The following NSUN7 variants were observed in gnomAD, a reference collection of about 807,000 sequenced individuals.
NSUN7 encodes NOP2/Sun RNA methyltransferase family member 7.
In NSUN7, 39 loss-of-function variants were observed where a neutral mutation model predicts 58.5. That is an observed-to-expected ratio of 0.67 (90% CI 0.52 to 0.87). The LOEUF is 0.87. NSUN7 is among the 40% of genes least tolerant of loss of function. The pLI is 0.00. For synonymous variants in NSUN7, 278 were observed against 303.7 expected (o/e 0.92, Z 0.88); for missense variants, 765 against 844.1 (o/e 0.91, Z 1.16).
chr4:40,771,919 A>G (rs1343572812), intron 4 of NSUN7, among the ~76,000 whole-genome samples: 4 of 151,876 alleles, frequency 2.6e-5, no homozygotes, highest in South Asian at 2.1e-4. Context: ...CATTTTCATC[A>G]TTGCAGTCCT....
Position 40,763,119 on chromosome 4 carries a change from G to T in NSUN7, c.488+1818G>T, listed in dbSNP as rs142920621. On this transcript the variant is annotated intron_variant, in intron 4 of 11. Transcript: ENST00000381782. The stretch of plus-strand genomic sequence containing the variant: ...GAATTCACACTCAGGAGTGACTCCA[G>T]AGTCCAAACTTCAACCATTTATATG... Among the ~76,000 whole-genome samples, 107 of 152,278 alleles carry T rather than the reference G, an allele frequency of 7.0e-4. 2 individuals carry two copies. The East Asian group carries it at 0.019, about 28-fold the overall frequency.
intron 7 of NSUN7, among the ~76,000 whole-genome samples, chr4:40,787,980 G>A (rs1742911737): frequency 6.6e-6 from 1 of 152,136 alleles, no homozygotes; most frequent in Non-Finnish European, 1.5e-5. Flanking sequence ...GATTACAGAG[G>A]CAGGCCATGA....
At chr4:40,786,576 C>T (rs2154288382) in intron 7 of NSUN7, 4 of 1,613,352 alleles carry the variant, frequency 2.5e-6, no homozygotes, top group East Asian at 2.2e-5. Context: ...CAATGGGTGA[C>T]CTGAGTTCAT....
At chr4:40,752,620 C>T (rs1268687054) in intron 2 of NSUN7, among the ~76,000 whole-genome samples, 1 of 152,078 alleles carries the variant, frequency 6.6e-6, no homozygotes, top group Non-Finnish European at 1.5e-5. Context: ...CGGGGTTTCA[C>T]GGTGTTAGCC....
chr4:40,754,138 C>T lies in NSUN7; in HGVS notation c.298+3147C>T, dbSNP rs1435727876. On this transcript the variant is annotated intron_variant, in intron 2 of 11. Coordinates refer to ENST00000381782, the MANE Select transcript of NSUN7 (RefSeq NM_024677.6). ...ATTTTCCAAGATAATTAGGAGCCTG[C>T]TATTTTCCTTTTTTTTTTTTTTTGA... is the stretch of plus-strand genomic sequence containing the variant. 2.8e-5 allele frequency among the ~76,000 whole-genome samples: 4 copies of T among 142,736 alleles called. No homozygotes were observed. In the East Asian group the frequency reaches 7.9e-4, roughly 28 times the overall value. 93.6% of individuals were successfully genotyped at this position (142,736 alleles called of 152,430 possible).
intron 4 of NSUN7, among the ~76,000 whole-genome samples, chr4:40,764,008 A>G (rs888926240): frequency 1.4e-4 from 21 of 152,120 alleles, no homozygotes; most frequent in African/African-American, 4.6e-4. Context: ...GAGAAAATAC[A>G]TGTACAAAGA....
At position 40,808,617 on chromosome 4, in the gene NSUN7, A is replaced by G; in HGVS notation, c.1835A>G (p.His612Arg). ...QTRKPNKLAP[H>R]PAVPAFVKNT... Reference sequence around the variant, plus strand: ...AGAAAACCCAACAAGCTGGCCCCCCATCCTGCAGTGCCTGCATTTGTGAAG... The same window carrying G: ...AGAAAACCCAACAAGCTGGCCCCCCGTCCTGCAGTGCCTGCATTTGTGAAG... The change falls in exon 12 of 12, where the codon CAT becomes CGT. Residue 612 changes from histidine to arginine, a missense_variant. By Grantham distance (29) the His-to-Arg change is conservative. Coordinates refer to ENST00000381782, the MANE Select transcript of NSUN7 (RefSeq NM_024677.6). 1 of 1,551,756 alleles carries G rather than the reference A, an allele frequency of 6.4e-7. No homozygotes were observed. Among genetic ancestry groups the G allele is most frequent in the Non-Finnish European group, 8.7e-7 (1 of 1,147,016 alleles).
At chr4:40,759,037 C>T (rs1309118563) in intron 2 of NSUN7, among the ~76,000 whole-genome samples, 4 of 152,112 alleles carry the variant, frequency 2.6e-5, no homozygotes, top group East Asian at 1.9e-4. Flanking sequence ...ACGCCGGGCA[C>T]GGTGGCTCAC....
At chr4:40,805,770 G>A (rs991470495) in intron 10 of NSUN7, among the ~76,000 whole-genome samples, 7 of 152,098 alleles carry the variant, frequency 4.6e-5, no homozygotes, top group Non-Finnish European at 8.8e-5. Flanking sequence ...TGTCCCCTGC[G>A]CTCTCCCAGC....
At chr4:40,773,722 T>C (rs766536632) in intron 4 of NSUN7, among the ~76,000 whole-genome samples, 2 of 151,456 alleles carry the variant, frequency 1.3e-5, no homozygotes, top group African/African-American at 2.4e-5. Flanking sequence ...CAGTAATTAA[T>C]ACAATAGTTA....
Position 40,761,156 on chromosome 4 carries a change from G to A in NSUN7, c.358-15G>A. ...TGTTTGTATACTTTTCTTTATATAT[G>A]TTTTCCCTTGTTAGCCAGATCATTT... On this transcript the variant is annotated splice_polypyrimidine_tract_variant and intron_variant, in intron 3 of 11. Transcript: ENST00000381782. 6.4e-7 allele frequency: 1 copy of A among 1,560,856 alleles called. No individual in the cohort carries two copies. Among genetic ancestry groups the A allele is most frequent in the Non-Finnish European group, 8.7e-7 (1 of 1,155,850 alleles).
rs1467771945 is a variant in NSUN7, at chr4:40,799,080, T to G, written c.1400+176T>G. On this transcript the variant is annotated intron_variant, in intron 10 of 11. Transcript: ENST00000381782. ...ATTCCATAGGGCCTTTTTCTTTTTT[T>G]TTTTTTTTTTTTTTTTTTTTTTAAA... Among the ~76,000 whole-genome samples the G allele has an allele frequency of 9.5e-5, 13 of 136,662 alleles. 1 individual carries two copies. The highest frequency in any genetic ancestry group is 3.1e-4 in the African/African-American group (11 of 35,462). 89.7% of individuals were successfully genotyped at this position (136,662 alleles called of 152,430 possible).
chr4:40,793,898 T>C (rs552494460), intron 8 of NSUN7, among the ~76,000 whole-genome samples: 58 of 152,248 alleles, frequency 3.8e-4, no homozygotes, highest in Non-Finnish European at 7.5e-4. Flanking sequence ...TAATCTGTTA[T>C]GAAGACATAA....
chr4:40,796,210 C>T (rs1160656714), intron 9 of NSUN7, among the ~76,000 whole-genome samples: 1 of 152,074 alleles, frequency 6.6e-6, no homozygotes, highest in Non-Finnish European at 1.5e-5. Flanking sequence ...AAAAATTAGC[C>T]GGGCGTGTTG....
chr4:40,750,637 T>A lies in NSUN7; in HGVS notation c.-57T>A. On this transcript the variant is annotated 5_prime_UTR_variant, in exon 2 of 12. Transcript: ENST00000381782. ...TGCAGATGCGAGGAAAGCCGTTTCCTGGAACATCGGAATTCTAACCCCAGG... is the reference window on the plus strand; with the variant it reads ...TGCAGATGCGAGGAAAGCCGTTTCCAGGAACATCGGAATTCTAACCCCAGG... The A allele has an allele frequency of 6.3e-7, 1 of 1,580,218 alleles. No homozygotes were observed. The highest frequency in any genetic ancestry group is 8.6e-7 in the Non-Finnish European group (1 of 1,160,834).
chr4:40,762,314 T>G lies in NSUN7; in HGVS notation c.488+1013T>G, dbSNP rs574597074. ...TATGTTGTTGAACTTTAATAGAAAG[T>G]ACAATGTAGCAACAACAACAATCTT... is the stretch of plus-strand genomic sequence containing the variant. On this transcript the variant is annotated intron_variant, in intron 4 of 11. Coordinates refer to ENST00000381782, the MANE Select transcript of NSUN7 (RefSeq NM_024677.6). Among the ~76,000 whole-genome samples, 5 of 152,356 alleles carry G rather than the reference T, an allele frequency of 3.3e-5. No homozygotes were observed. In the East Asian group the frequency reaches 9.6e-4, roughly 29 times the overall value.
At position 40,770,467 on chromosome 4, in the gene NSUN7, A is replaced by G. The variant is rs1162799228; in HGVS notation, c.489-3798A>G. Among the ~76,000 whole-genome samples, 6 of 152,296 alleles carry G rather than the reference A, an allele frequency of 3.9e-5. No individual in the cohort carries two copies. In the East Asian group the frequency reaches 7.7e-4, roughly 20 times the overall value. On this transcript the variant is annotated intron_variant, in intron 4 of 11. Coordinates refer to ENST00000381782, the MANE Select transcript of NSUN7 (RefSeq NM_024677.6). ...CACTATGGCAAGTATTTGTGTATCT[A>G]AACCTATTTAAATATAGCAAAGGTA...
intron 10 of NSUN7, among the ~76,000 whole-genome samples, chr4:40,801,562 ATTGT>A (rs1276049758): frequency 1.9e-4 from 29 of 152,090 alleles, no homozygotes; most frequent in African/African-American, 5.8e-4. Flanking sequence ...TATTTTTCAG[ATTGT>A]TTATCTTTTT....
At chr4:40,785,119 T>G (rs1742747232) in intron 7 of NSUN7, among the ~76,000 whole-genome samples, 1 of 150,372 alleles carries the variant, frequency 6.7e-6, no homozygotes, top group African/African-American at 2.5e-5. Flanking sequence ...TCACTGCAGC[T>G]TGATCTCCTG....
Sources: allele counts gnomAD v4.1 joint callset (sites outside exome capture counted in the v4.1 genomes callset), GRCh38; gene constraint gnomAD v4.1.1; transcripts MANE v1.5; gene names NCBI Gene and HGNC (gene_info 2026-07-23, HGNC 2026-07-21).